KCTD1: variants seen among roughly 807,000 people sequenced by gnomAD.
KCTD1 encodes BTB/POZ domain-containing protein KCTD1.
Under a neutral mutation model 66.0 loss-of-function variants are expected in KCTD1, and 24 were observed. The observed-to-expected ratio is 0.36, with a 90% CI of 0.26 to 0.51. The LOEUF (loss-of-function observed/expected upper bound fraction) is 0.51, where lower values mean the gene tolerates loss of function less well. Ranked by LOEUF, KCTD1 falls within the 20% of genes least tolerant of loss-of-function variation. The pLI is 0.95. For synonymous variants in KCTD1, 511 were observed against 517.2 expected, an observed-to-expected ratio of 0.99 and a Z score of 0.16; for missense variants, 943 against 1,205.2, an observed-to-expected ratio of 0.78 and a Z score of 3.22.
intron 1 of KCTD1, among the ~76,000 whole-genome samples, chr18:26,514,582 A>G (rs1326969104): frequency 2.7e-5 from 4 of 149,542 alleles, no homozygotes; most frequent in Non-Finnish European, 5.9e-5. Context: ...GAAATGGCAG[A>G]GAGATGTTGG....
intron 1 of KCTD1, among the ~76,000 whole-genome samples, chr18:26,656,883 G>C (rs1243527450): frequency 6.9e-6 from 1 of 144,318 alleles, no homozygotes; most frequent in African/African-American, 2.5e-5. Context: ...GACGCGCGGG[G>C]CTCGGGGGAG....
intron 1 of KCTD1, among the ~76,000 whole-genome samples, chr18:26,580,880 A>T (rs1237850555): frequency 2.6e-5 from 4 of 152,218 alleles, no homozygotes; most frequent in Admixed American, 2.0e-4. Context: ...TTTTACTGGA[A>T]CACAGCCATG....
chr18:26,516,793 C>T (rs1286473886), intron 1 of KCTD1, among the ~76,000 whole-genome samples: 1 of 152,146 alleles, frequency 6.6e-6, no homozygotes, highest in African/African-American at 2.4e-5. Flanking sequence ...ATGGAGTGCT[C>T]TGATCTCTTT....
chr18:26,643,393 C>G (rs1057197713), upstream of KCTD1, among the ~76,000 whole-genome samples: 1 of 152,038 alleles, frequency 6.6e-6, no homozygotes, highest in Admixed American at 6.5e-5. Flanking sequence ...CAAAAAGATG[C>G]GTTGTTCAAC....
intron 1 of KCTD1, among the ~76,000 whole-genome samples, chr18:26,654,367 T>C (rs915851751): frequency 4.6e-5 from 7 of 152,280 alleles, no homozygotes; most frequent in Middle Eastern, 3.4e-3. Context: ...AGTGGCATAA[T>C]TTGTACAATG....
rs1598933621 is a variant in KCTD1, at chr18:26,547,029, T to C, written c.1508A>G (p.His503Arg). ...CCCCAGCGAGGGCGGCTGGGGGCGGTGGTGGTGGGAGGGATGGGTGGGGGG... is the reference window on the plus strand; with the variant it reads ...CCCCAGCGAGGGCGGCTGGGGGCGGCGGTGGTGGGAGGGATGGGTGGGGGG... ...HHPPTHPSHH[H>R]RPQPPSLGNT... is the part of the protein sequence containing the mutation. The change falls in exon 1 of 5, where the codon CAC becomes CGC. Residue 503 changes from histidine to arginine, a missense_variant. This residue lies in a region of KCTD1 where 197 missense variants were observed against 182.7 expected (regional missense o/e 1.08). Transcript: ENST00000580059. 1 of 718,398 alleles carries C rather than the reference T, an allele frequency of 1.4e-6. No individual in the cohort carries two copies. Among genetic ancestry groups the C allele is most frequent in the Non-Finnish European group, 1.8e-6 (1 of 564,816 alleles). The allele number at this position is 718,398 out of a possible 1,614,324, so 44.5% of individuals were successfully genotyped here.
At chr18:26,531,972 G>T (rs987673653) in intron 1 of KCTD1, among the ~76,000 whole-genome samples, 2 of 152,164 alleles carry the variant, frequency 1.3e-5, no homozygotes, top group Admixed American at 6.5e-5. Context: ...TTATAAGAAT[G>T]GGGGAGAAAG....
intron 1 of KCTD1, among the ~76,000 whole-genome samples, chr18:26,605,768 C>CTATCTATATATA (rs558732795): frequency 7.5e-6 from 1 of 134,072 alleles, no homozygotes; most frequent in African/African-American, 2.8e-5. Flanking sequence ...ATCTATCTAT[C>CTATCTATATATA]TATATTACAT....
At chr18:26,541,857 GA>G (rs1984989892) in intron 1 of KCTD1, among the ~76,000 whole-genome samples, 1 of 152,092 alleles carries the variant, frequency 6.6e-6, no homozygotes, top group Non-Finnish European at 1.5e-5. Flanking sequence ...CTGTCATAAA[GA>G]CTCAAAACCA....
At chr18:26,564,752 G>A (rs933564758) in intron 1 of KCTD1, among the ~76,000 whole-genome samples, 3 of 152,060 alleles carry the variant, frequency 2.0e-5, no homozygotes, top group Non-Finnish European at 4.4e-5. Flanking sequence ...ATTCGGGCAT[G>A]GTGATGCACG....
chr18:26,581,852 A>AT (rs1986361292), intron 1 of KCTD1: 1 of 152,126 alleles, frequency 6.6e-6, no homozygotes, highest in Non-Finnish European at 1.5e-5. Flanking sequence ...AAAAATATAT[A>AT]TTTTTTACAT....
At chr18:26,490,896 G>A (rs1420911492) in intron 2 of KCTD1, among the ~76,000 whole-genome samples, 2 of 151,882 alleles carry the variant, frequency 1.3e-5, no homozygotes, top group African/African-American at 4.8e-5. Flanking sequence ...GGGACTACAG[G>A]TGCATGCTAC....
At chr18:26,501,345 T>C (rs1029697680) in intron 1 of KCTD1, 95 bp from the exon 2 acceptor site, 2 of 1,087,558 alleles carry the variant, frequency 1.8e-6, no homozygotes, top group Non-Finnish European at 2.6e-6. Context: ...TGATTAACGA[T>C]ACTCATTCAG....
chr18:26,522,077 C>T (rs150626018), intron 1 of KCTD1, among the ~76,000 whole-genome samples: 101 of 152,326 alleles, frequency 6.6e-4, no homozygotes, highest in African/African-American at 2.2e-3. Context: ...CTTCCAGGGA[C>T]TGACAGACTA....
chr18:26,629,517 G>C (rs1192399431), upstream of KCTD1, among the ~76,000 whole-genome samples: 1 of 152,216 alleles, frequency 6.6e-6, no homozygotes, highest in Non-Finnish European at 1.5e-5. Context: ...TAAGAGCTGT[G>C]ATAGAAATGT....
chr18:26,572,249 A>G (rs1489474562), intron 1 of KCTD1, among the ~76,000 whole-genome samples: 1 of 151,986 alleles, frequency 6.6e-6, no homozygotes, highest in East Asian at 1.9e-4. Flanking sequence ...TAGTAGAGAC[A>G]GGGTTTCACC....
chr18:26,570,533 C>T (rs1986083734), intron 1 of KCTD1, among the ~76,000 whole-genome samples: 2 of 152,118 alleles, frequency 1.3e-5, no homozygotes, highest in African/African-American at 4.8e-5. Flanking sequence ...CTCAGCCTCC[C>T]AATTAGCTGG....
intron 3 of KCTD1, among the ~76,000 whole-genome samples, chr18:26,461,032 C>T (rs1248167501): frequency 1.3e-5 from 2 of 152,204 alleles, no homozygotes; most frequent in Non-Finnish European, 2.9e-5. Context: ...AGGGGATGCC[C>T]AGTGCCTGCA....
chr18:26,557,703 T>A (rs1476701613), intron 1 of KCTD1, among the ~76,000 whole-genome samples: 1 of 152,002 alleles, frequency 6.6e-6, no homozygotes, highest in African/African-American at 2.4e-5. Context: ...ATTTCCTCTC[T>A]AGCAATCATT....
Sources: gnomAD v4.1 joint callset for allele counts (sites outside exome capture counted in the v4.1 genomes callset) on GRCh38, gnomAD v4.1.1 for gene constraint, gnomAD v4.1.1 regional missense constraint, MANE v1.5 for transcripts, NCBI Gene and HGNC (gene_info 2026-07-23, HGNC 2026-07-21) for gene names.